Variants in ANO5 observed in about 807,000 individuals in gnomAD.
ANO5 encodes anoctamin 5, also known as anoctamin-5.
A neutral mutation model predicts 121.0 loss-of-function variants in ANO5; 109 were observed. That is an observed-to-expected ratio of 0.90 (90% CI 0.77 to 1.06). The LOEUF is 1.06. Ranked by LOEUF, ANO5 falls within the 50% of genes least tolerant of loss-of-function variation. ANO5 has a pLI of 0.00. For missense variants in ANO5, 1,064 were observed against 1,078.5 expected, an observed-to-expected ratio of 0.99 and a Z score of 0.19; for synonymous variants, 406 against 359.9, an observed-to-expected ratio of 1.13 and a Z score of -1.45.
At chr11:22,262,101 C>A (rs1000932796) in intron 15 of ANO5, 28 bp from the exon 16 acceptor site, 8 of 1,609,000 alleles carry the variant, frequency 5.0e-6, no homozygotes, top group Non-Finnish European at 5.9e-6. Flanking sequence ...TAAGAAGATG[C>A]ACTAAACATT....
Position 22,262,115 on chromosome 11 carries a change from T to C in ANO5, c.1631-14T>C, listed in dbSNP as rs1343299348. 6.2e-7 allele frequency: 1 copy of C among 1,613,052 alleles called. No individual in the cohort carries two copies. Among genetic ancestry groups the C allele is most frequent in the Non-Finnish European group, 8.5e-7 (1 of 1,179,702 alleles). On this transcript the variant is annotated splice_polypyrimidine_tract_variant and intron_variant, in intron 15 of 21. Coordinates refer to ENST00000324559, the MANE Select transcript of ANO5 (RefSeq NM_213599.3). Reference sequence around the variant, plus strand: ...ATAAGAAGATGCACTAAACATTTTTTTTTAACTTAACAGAAATTCCTCGAA... The same window carrying C: ...ATAAGAAGATGCACTAAACATTTTTCTTTAACTTAACAGAAATTCCTCGAA...
chr11:22,269,792 TTC>T (rs1854542050), intron 17 of ANO5, among the ~76,000 whole-genome samples: 1 of 152,210 alleles, frequency 6.6e-6, no homozygotes, highest in African/African-American at 2.4e-5. Context: ...TTGCTAATTT[TTC>T]TTTCTTAAAA....
chr11:22,226,103 T>C (rs1852823640), intron 6 of ANO5, 51 bp downstream of exon 6: 1 of 1,458,328 alleles, frequency 6.9e-7, no homozygotes, highest in Non-Finnish European at 9.6e-7. Context: ...AGTGTTGTTT[T>C]CTCCTACTCT....
intron 19 of ANO5, among the ~76,000 whole-genome samples, chr11:22,273,640 A>C (rs1854713338): frequency 6.6e-6 from 1 of 152,072 alleles, no homozygotes; most frequent in Admixed American, 6.5e-5. Context: ...AGACACTGTC[A>C]AAAATTGTAA....
intron 21 of ANO5, among the ~76,000 whole-genome samples, chr11:22,277,359 T>C (rs1162231287): frequency 2.6e-5 from 4 of 151,702 alleles, no homozygotes; most frequent in African/African-American, 4.8e-5. Context: ...TTATTTTTAG[T>C]GTGACTATTC....
rs146233625 is a variant in ANO5 at position 22,250,763 on chromosome 11, A to G, written c.1036A>G (p.Ile346Val). The change falls in exon 11 of 22, where the codon ATT becomes GTT. Residue 346 changes from isoleucine (I) to valine (V), a missense_variant. Coordinates refer to ENST00000324559, the MANE Select transcript of ANO5 (RefSeq NM_213599.3). ...CAGCACTGAAATCTGTGACCCTGAGATTGGTGGTCAGATGATCATGTGCCC... is the reference window on the plus strand; with the variant it reads ...CAGCACTGAAATCTGTGACCCTGAGGTTGGTGGTCAGATGATCATGTGCCC... ...TSSTEICDPE[I>V]GGQMIMCPLC... is the part of the protein sequence containing the mutation. 2.5e-6 allele frequency: 4 copies of G among 1,614,012 alleles called. No individual in the cohort carries two copies. In the Admixed American group the frequency reaches 6.7e-5, roughly 27 times the overall value.
intron 1 of ANO5, among the ~76,000 whole-genome samples, chr11:22,200,808 A>G (rs1262459915): frequency 1.3e-5 from 2 of 152,182 alleles, no homozygotes; most frequent in Non-Finnish European, 2.9e-5. Flanking sequence ...TTGTATCTTG[A>G]TGGGGGATGG....
intron 12 of ANO5, among the ~76,000 whole-genome samples, chr11:22,253,442 TA>T (rs1265206495): frequency 6.6e-6 from 1 of 152,182 alleles, no homozygotes; most frequent in African/African-American, 2.4e-5. Flanking sequence ...TTAAAAGTTT[TA>T]GCAGTATGTA....
At chr11:22,192,863 G>A, upstream of ANO5, 5 of 566,314 alleles carry the variant, frequency 8.8e-6, no homozygotes, top group Non-Finnish European at 8.9e-6. Flanking sequence ...GGGACGGGAG[G>A]CTGCATGTCC....
chr11:22,264,305 G>C (rs1327289834), intron 17 of ANO5, among the ~76,000 whole-genome samples: 1 of 151,898 alleles, frequency 6.6e-6, no homozygotes, highest in Non-Finnish European at 1.5e-5. Context: ...GATTACAGGC[G>C]TAAGCCACCA....
intron 1 of ANO5, among the ~76,000 whole-genome samples, chr11:22,197,294 CTTAA>C (rs1851841814): frequency 6.6e-6 from 1 of 151,542 alleles, no homozygotes; most frequent in Non-Finnish European, 1.5e-5. Flanking sequence ...TAATAGAGCA[CTTAA>C]TTAGTTACAT....
chr11:22,201,456 A>C (rs1590212773), intron 1 of ANO5, among the ~76,000 whole-genome samples: 1 of 152,164 alleles, frequency 6.6e-6, no homozygotes, highest in Non-Finnish European at 1.5e-5. Context: ...CCCTGGGGAG[A>C]GAGTGACTTT....
chr11:22,236,549 C>A (rs1162751495), intron 8 of ANO5, among the ~76,000 whole-genome samples: 2 of 152,242 alleles, frequency 1.3e-5, no homozygotes, highest in Non-Finnish European at 2.9e-5. Flanking sequence ...ATAGCAGTCA[C>A]ATTAAAAGAA....
chr11:22,199,770 A>G (rs1851911219), intron 1 of ANO5, among the ~76,000 whole-genome samples: 1 of 152,108 alleles, frequency 6.6e-6, no homozygotes, highest in African/African-American at 2.4e-5. Context: ...GTTGAAGTGT[A>G]TGAAAAAAAT....
intron 4 of ANO5, among the ~76,000 whole-genome samples, chr11:22,220,681 G>T (rs1205689794): frequency 6.6e-6 from 1 of 151,876 alleles, no homozygotes; most frequent in Non-Finnish European, 1.5e-5. Flanking sequence ...TTAATCATAA[G>T]TTTATTTTCT....
At chr11:22,251,571 A>G (rs1193227570) in intron 12 of ANO5, among the ~76,000 whole-genome samples, 4 of 152,194 alleles carry the variant, frequency 2.6e-5, no homozygotes, top group African/African-American at 9.7e-5. Context: ...AGTTTTTCCT[A>G]TCATCAGCAA....
intron 18 of ANO5, among the ~76,000 whole-genome samples, chr11:22,271,918 A>G (rs1464982097): frequency 6.6e-6 from 1 of 152,064 alleles, no homozygotes; most frequent in South Asian, 2.1e-4. Flanking sequence ...GGAGGTGAAT[A>G]TGTATTTTTT....
intron 18 of ANO5, among the ~76,000 whole-genome samples, chr11:22,271,096 A>C (rs2133781369): frequency 6.6e-6 from 1 of 152,322 alleles, no homozygotes; most frequent in Non-Finnish European, 1.5e-5. Context: ...TCTGTCGCTC[A>C]GGCTGGAGCG....
At chr11:22,258,026 G>C (rs1854060633) in intron 14 of ANO5, among the ~76,000 whole-genome samples, 1 of 152,184 alleles carries the variant, frequency 6.6e-6, no homozygotes, top group African/African-American at 2.4e-5. Flanking sequence ...GTGATCACTT[G>C]AAATCAGGAC....
Sources: allele counts gnomAD v4.1 joint callset (sites outside exome capture counted in the v4.1 genomes callset), GRCh38; gene constraint gnomAD v4.1.1; transcripts MANE v1.5; gene names NCBI Gene and HGNC (gene_info 2026-07-23, HGNC 2026-07-21).